The following ABHD12 variants were observed in gnomAD, a reference collection of about 807,000 sequenced individuals.
ABHD12 encodes the protein lysophosphatidylserine lipase ABHD12.
A neutral mutation model predicts 58.3 loss-of-function variants in ABHD12; 43 were observed. The observed-to-expected ratio is 0.74, with a 90% confidence interval of 0.58 to 0.95. The LOEUF is 0.95. Among genes scored for constraint, ABHD12 ranks in the 40% least tolerant of loss-of-function variants. ABHD12 has a pLI of 0.00. For missense variants in ABHD12, 539 were observed against 537.2 expected (o/e 1.00, Z -0.03); for synonymous variants, 219 against 211.2 (o/e 1.04, Z -0.32).
At chr20:25,374,914 G>A (rs1456317296) in intron 1 of ABHD12, among the ~76,000 whole-genome samples, 2 of 152,150 alleles carry the variant, frequency 1.3e-5, no homozygotes, top group East Asian at 1.9e-4. Flanking sequence ...CACTCTGCAT[G>A]CCTGTGCTAT....
At chr20:25,386,418 C>T (rs1005860468) in intron 1 of ABHD12, among the ~76,000 whole-genome samples, 2 of 151,376 alleles carry the variant, frequency 1.3e-5, no homozygotes, top group African/African-American at 4.8e-5. Context: ...GCCACCACGC[C>T]TGGCTAATTT....
At chr20:25,387,971 G>A (rs1379390732) in intron 1 of ABHD12, among the ~76,000 whole-genome samples, 1 of 150,544 alleles carries the variant, frequency 6.6e-6, no homozygotes, top group Admixed American at 6.6e-5. Flanking sequence ...AACCTGGGAG[G>A]TGGAGGTTGC....
chr20:25,295,783 GGTTT>G, downstream of ABHD12: 1 of 1,215,380 alleles, frequency 8.2e-7, no homozygotes, highest in Non-Finnish European at 1.2e-6. Flanking sequence ...GGGCCAGAGG[GGTTT>G]GTGATTCTGA....
At chr20:25,366,201 T>C (rs1186609561) in intron 1 of ABHD12, among the ~76,000 whole-genome samples, 1 of 152,194 alleles carries the variant, frequency 6.6e-6, no homozygotes, top group African/African-American at 2.4e-5. Flanking sequence ...GAGTTGCAAA[T>C]ATTTGTATTT....
chr20:25,331,479 G>T (rs949639503), intron 2 of ABHD12, among the ~76,000 whole-genome samples: 3 of 152,048 alleles, frequency 2.0e-5, no homozygotes, highest in Non-Finnish European at 4.4e-5. Context: ...TCCTCGAGAA[G>T]AGCAACACCA....
intron 1 of ABHD12, among the ~76,000 whole-genome samples, chr20:25,378,030 T>C (rs2089980737): frequency 6.6e-6 from 1 of 152,216 alleles, no homozygotes; most frequent in Non-Finnish European, 1.5e-5. Context: ...AGTACTACAT[T>C]GAGGACCAAG....
intron 1 of ABHD12, among the ~76,000 whole-genome samples, chr20:25,386,764 C>A (rs1258376299): frequency 6.6e-6 from 1 of 151,814 alleles, no homozygotes; most frequent in African/African-American, 2.4e-5. Flanking sequence ...GCCTGTAATC[C>A]CAGCTACCCG....
At chr20:25,311,311 G>A (rs752377494) in intron 6 of ABHD12, among the ~76,000 whole-genome samples, 18 of 152,162 alleles carry the variant, frequency 1.2e-4, no homozygotes, top group Non-Finnish European at 2.4e-4. Flanking sequence ...GAGGAGTCAG[G>A]GTCAGAGCCA....
chr20:25,368,389 C>A (rs1299942137), intron 1 of ABHD12: 5 of 1,591,362 alleles, frequency 3.1e-6, no homozygotes, highest in Non-Finnish European at 4.3e-6. Context: ...TGCCACAGAC[C>A]ACATGCTTGC....
chr20:25,359,834 G>A (rs1313948210), intron 1 of ABHD12, among the ~76,000 whole-genome samples: 3 of 152,102 alleles, frequency 2.0e-5, no homozygotes, highest in Admixed American at 1.3e-4. Flanking sequence ...CCTCCAAAAA[G>A]TGCTAGGATT....
intron 1 of ABHD12, among the ~76,000 whole-genome samples, chr20:25,366,656 T>G (rs1394052842): frequency 6.6e-6 from 1 of 152,232 alleles, no homozygotes; most frequent in Non-Finnish European, 1.5e-5. Flanking sequence ...TCACTCCTGT[T>G]TTCTTCTAGT....
At chr20:25,320,462 G>T in intron 3 of ABHD12, 144 bp from the exon 4 acceptor site, 1 of 1,103,180 alleles carries the variant, frequency 9.1e-7, no homozygotes, top group Non-Finnish European at 1.3e-6. Context: ...AACAGATGGG[G>T]GTGGGTGGTA....
At chr20:25,308,551 T>C (rs1203177278) in intron 7 of ABHD12, 57 bp from the exon 8 acceptor site, 20 of 1,559,526 alleles carry the variant, frequency 1.3e-5, no homozygotes, top group African/African-American at 4.1e-5. Context: ...TGAGATGATA[T>C]GGGCCTTATG....
At chr20:25,301,847 G>C (rs2088640593) in intron 12 of ABHD12, among the ~76,000 whole-genome samples, 1 of 152,264 alleles carries the variant, frequency 6.6e-6, no homozygotes, top group South Asian at 2.1e-4. Flanking sequence ...GGGACAAAGA[G>C]GCTTTTGAGG....
intron 1 of ABHD12, among the ~76,000 whole-genome samples, chr20:25,356,254 G>A (rs980489330): frequency 1.4e-4 from 21 of 152,332 alleles, no homozygotes; most frequent in East Asian, 1.9e-4. Flanking sequence ...CTGAGACTGC[G>A]GAGGTTTTGC....
At chr20:25,295,971 AGGAAAGGCTGGCCTGGT>A (rs2088536503), downstream of ABHD12, among the ~76,000 whole-genome samples, 1 of 152,132 alleles carries the variant, frequency 6.6e-6, no homozygotes, top group Non-Finnish European at 1.5e-5. Context: ...GCTGGCCTCG[AGGAAAGGCTGGCCTGGT>A]GTGACCTGCA....
At chr20:25,304,924 C>T (rs1002307949) in intron 10 of ABHD12, among the ~76,000 whole-genome samples, 11 of 150,574 alleles carry the variant, frequency 7.3e-5, no homozygotes, top group Non-Finnish European at 1.2e-4. Context: ...TTTTTCTTTT[C>T]TTTGTTGCCC....
intron 7 of ABHD12, among the ~76,000 whole-genome samples, chr20:25,308,763 C>T (rs2088794370): frequency 6.6e-6 from 1 of 152,146 alleles, no homozygotes; most frequent in African/African-American, 2.4e-5. Context: ...CGTACACTCC[C>T]ATTGGCCGGG....
At chr20:25,337,199 G>A (rs535926121) in intron 2 of ABHD12, among the ~76,000 whole-genome samples, 4 of 152,316 alleles carry the variant, frequency 2.6e-5, no homozygotes, top group African/African-American at 7.2e-5. Flanking sequence ...CTGGGAGGTC[G>A]AGGCTGCAGT....
Sources: gnomAD v4.1 joint callset for allele counts (sites outside exome capture counted in the v4.1 genomes callset) on GRCh38, gnomAD v4.1.1 for gene constraint, MANE v1.5 for transcripts, NCBI Gene and HGNC (gene_info 2026-07-23, HGNC 2026-07-21) for gene names.